TTBK2: variants seen among roughly 807,000 people sequenced by gnomAD.
The protein encoded by TTBK2 is tau-tubulin kinase 2.
TTBK2 carries 28 observed loss-of-function variants against 110.8 expected under a neutral mutation model. The observed-to-expected ratio is 0.25, with a 90% CI of 0.19 to 0.35. The LOEUF is 0.35. TTBK2 is among the 10% of genes least tolerant of loss of function. The pLI, the probability that TTBK2 is intolerant of heterozygous loss-of-function variation, is 1.00. For missense variants in TTBK2, 1,369 were observed against 1,500.3 expected, an observed-to-expected ratio of 0.91 and a Z score of 1.45; for synonymous variants, 532 against 527.3, an observed-to-expected ratio of 1.01 and a Z score of -0.12.
chr15:42,857,710 G>A (rs1362039340), intron 3 of TTBK2, among the ~76,000 whole-genome samples: 2 of 151,702 alleles, frequency 1.3e-5, no homozygotes, highest in Non-Finnish European at 2.9e-5. Context: ...CTTCTAATAC[G>A]TTCTTACATA....
rs528589821 is a variant in TTBK2 at position 42,772,595 on chromosome 15, T to C, written c.1998+2540A>G. Among the ~76,000 whole-genome samples, 15 of 152,206 alleles carry C rather than the reference T, an allele frequency of 9.9e-5. No homozygotes were observed. The South Asian group carries it at 2.7e-3, about 27-fold the overall frequency. ...TACATAGCAATGGCAATGGATAACA[T>C]ATGGGTGATGTTACTAGTGCCCAGC... On this transcript the variant is annotated intron_variant, in intron 13 of 14. Coordinates refer to ENST00000267890, the MANE Select transcript of TTBK2 (RefSeq NM_173500.4).
chr15:42,755,167 T>G (rs1016236060), intron 13 of TTBK2, among the ~76,000 whole-genome samples: 3 of 152,126 alleles, frequency 2.0e-5, no homozygotes, highest in Non-Finnish European at 2.9e-5. Flanking sequence ...TCACGTCACC[T>G]AAAGTGACAT....
rs768128776 is a variant in TTBK2, at chr15:42,752,579, C to T, written c.2667G>A (p.Leu889=). The T allele has an allele frequency of 6.2e-7, 1 of 1,614,146 alleles. No individual in the cohort carries two copies. Among genetic ancestry groups the T allele is most frequent in the Non-Finnish European group, 8.5e-7 (1 of 1,180,036 alleles). ...SKDDDIMSED[L]PGHQGDLSTF... The stretch of plus-strand genomic sequence containing the variant: ...TAGAGAGGTCTCCTTGATGACCTGG[C>T]AAGTCTTCACTCATGATGTCATCAT... Residue 889 remains leucine (L), a synonymous_variant, in exon 14 of 15, where the codon TTG becomes TTA. Transcript: ENST00000267890.
chr15:42,895,483 C>T (rs887466864), intron 1 of TTBK2, among the ~76,000 whole-genome samples: 1 of 151,918 alleles, frequency 6.6e-6, no homozygotes, highest in African/African-American at 2.4e-5. Context: ...ACATGTACCC[C>T]TTGGACCTAA....
chr15:42,747,611 A>C (rs1025388367), intron 14 of TTBK2, among the ~76,000 whole-genome samples: 2 of 152,216 alleles, frequency 1.3e-5, no homozygotes, highest in Non-Finnish European at 2.9e-5. Context: ...ATCTGATGCC[A>C]CTGCTGATCT....
At chr15:42,807,603 G>GTTGTTGTT (rs1177374599) in intron 9 of TTBK2, among the ~76,000 whole-genome samples, 6 of 151,576 alleles carry the variant, frequency 4.0e-5, no homozygotes, top group African/African-American at 1.5e-4. Flanking sequence ...TGTTGTTGTT[G>GTTGTTGTT]TTGTTTTGTT....
rs1401246497 is a variant in TTBK2 at position 42,830,155 on chromosome 15, T to G, written c.292-77A>C. ...AGAGAAGACTGGGAAACTACTCACT[T>G]ACCATTAAAAGATGTTTTCAGCAAA... On this transcript the variant is annotated intron_variant, in intron 4 of 14. Transcript: ENST00000267890. 6 of 1,560,226 alleles carry G rather than the reference T, an allele frequency of 3.8e-6. No individual in the cohort carries two copies. In the East Asian group the frequency reaches 1.4e-4, roughly 35 times the overall value.
intron 13 of TTBK2, among the ~76,000 whole-genome samples, chr15:42,753,494 GT>G (rs2061898496): frequency 6.6e-6 from 1 of 152,172 alleles, no homozygotes; most frequent in Admixed American, 6.5e-5. Flanking sequence ...TTGGTGTGCT[GT>G]ATGCCCTGGA....
At chr15:42,834,775 G>A (rs796403784) in intron 4 of TTBK2, among the ~76,000 whole-genome samples, 1 of 152,146 alleles carries the variant, frequency 6.6e-6, no homozygotes, top group African/African-American at 2.4e-5. Flanking sequence ...TACTTGGGAG[G>A]TTGAGGCAGG....
At chr15:42,901,374 A>G (rs2141189810) in intron 1 of TTBK2, among the ~76,000 whole-genome samples, 1 of 152,208 alleles carries the variant, frequency 6.6e-6, no homozygotes, top group East Asian at 1.9e-4. Context: ...AAAAAAAAAA[A>G]TTATTAGAGG....
At chr15:42,799,552 C>T (rs1029357040) in intron 9 of TTBK2, among the ~76,000 whole-genome samples, 5 of 152,168 alleles carry the variant, frequency 3.3e-5, no homozygotes, top group Non-Finnish European at 7.4e-5. Flanking sequence ...TCCTGCCTCA[C>T]TTCCCAAGTA....
At chr15:42,776,999 A>C in intron 12 of TTBK2, 32 bp downstream of exon 12, 1 of 1,590,816 alleles carries the variant, frequency 6.3e-7, no homozygotes, top group East Asian at 2.2e-5. Flanking sequence ...GTACCTTAGA[A>C]GCTTTAAAAA....
At chr15:42,896,286 C>G (rs1464498073) in intron 1 of TTBK2, among the ~76,000 whole-genome samples, 1 of 151,908 alleles carries the variant, frequency 6.6e-6, no homozygotes, top group East Asian at 1.9e-4. Flanking sequence ...TGAGATCGTG[C>G]CATTACACTC....
chr15:42,829,779 T>G (rs1007855064), intron 5 of TTBK2, among the ~76,000 whole-genome samples, 159 bp downstream of exon 5: 5 of 152,336 alleles, frequency 3.3e-5, no homozygotes, highest in Admixed American at 1.3e-4. Flanking sequence ...AATTAACAGG[T>G]AAGTTATATT....
chr15:42,820,265 A>G lies in TTBK2; in HGVS notation c.538-3168T>C, dbSNP rs531213483. On this transcript the variant is annotated intron_variant, in intron 6 of 14. Transcript: ENST00000267890. ...AACCCAACTGGAGAAAAACAGTCAC[A>G]TATGCAAATGATTCCAATTTAAAGC... Among the ~76,000 whole-genome samples, 8 of 152,364 alleles carry G rather than the reference A, an allele frequency of 5.3e-5. No homozygotes were observed. In the South Asian group the frequency reaches 1.7e-3, roughly 32 times the overall value.
Position 42,775,633 on chromosome 15 carries a change from A to G in TTBK2, c.1500T>C (p.Arg500=). Residue 500 remains arginine, a synonymous_variant, in exon 13 of 15, where the codon CGT becomes CGC. Coordinates refer to ENST00000267890, the MANE Select transcript of TTBK2 (RefSeq NM_173500.4). ...CATCATAGTGCCAGATGTGGTCAGT[A>G]CGGGACACAGCAGGAACGCAAGGCT... is the stretch of plus-strand genomic sequence containing the variant. ...LHKPCVPAVS[R]TDHIWHYDEE... 1.2e-6 allele frequency: 2 copies of G among 1,613,726 alleles called. No individual in the cohort carries two copies. Among genetic ancestry groups the G allele is most frequent in the African/African-American group, 1.3e-5 (1 of 75,042 alleles).
chr15:42,913,078 T>C (rs1286396415), intron 1 of TTBK2, among the ~76,000 whole-genome samples: 1 of 145,278 alleles, frequency 6.9e-6, no homozygotes, highest in Non-Finnish European at 1.5e-5. Context: ...TGAGCCGAGA[T>C]TGCGCCACTG....
chr15:42,767,654 C>G (rs533884680), intron 13 of TTBK2, among the ~76,000 whole-genome samples: 54 of 152,182 alleles, frequency 3.5e-4, no homozygotes, highest in Non-Finnish European at 7.1e-4. Context: ...CAGGACCAGA[C>G]GGATTCATAG....
intron 2 of TTBK2, among the ~76,000 whole-genome samples, chr15:42,878,032 G>A (rs972147495): frequency 6.3e-4 from 93 of 148,062 alleles, no homozygotes; most frequent in African/African-American, 2.3e-3. Context: ...AAAAAAAAAA[G>A]AGAGAGCAGC....
Sources: allele counts gnomAD v4.1 joint callset (sites outside exome capture counted in the v4.1 genomes callset), GRCh38; gene constraint gnomAD v4.1.1; transcripts MANE v1.5; gene names NCBI Gene and HGNC (gene_info 2026-07-23, HGNC 2026-07-21).